The following NALF1 variants were observed in gnomAD, a reference collection of about 807,000 sequenced individuals.
NALF1 encodes NALCN channel auxiliary factor 1.
In NALF1, 3 loss-of-function variants were observed where a neutral mutation model predicts 48.4. That is an observed-to-expected ratio of 0.06 (90% CI 0.03 to 0.16). NALF1 has a LOEUF of 0.16. NALF1 is among the 10% of genes least tolerant of loss of function. The probability of loss-of-function intolerance (pLI) is 1.00; values close to 1 mark genes in which losing one functional copy is unlikely to be tolerated. For missense variants in NALF1, 526 were observed against 571.5 expected (o/e 0.92, Z 0.81); for synonymous variants, 262 against 245.7 (o/e 1.07, Z -0.62).
chr13:107,828,606 T>TACACACACAC lies in NALF1; in HGVS notation c.915+37066_915+37075dup, dbSNP rs60869824. Among the ~76,000 whole-genome samples the TACACACACAC allele has an allele frequency of 9.2e-3, 952 of 103,960 alleles. 12 individuals are homozygous for TACACACACAC. The highest frequency in any genetic ancestry group is 0.019 in the South Asian group (66 of 3,562). The allele number at this position is 103,960 out of a possible 152,430, so 68.2% of individuals were successfully genotyped here. A position where few individuals can be genotyped will look rare whatever the true frequency, so the allele number is the denominator to read the frequency against. On this transcript the variant is annotated intron_variant, in intron 1 of 2. Transcript: ENST00000375915. ...ATCTATCTATCTATATCTATATCTA[T>TACACACACAC]ACACACACACACACACACACACACA...
intron 1 of NALF1, 149 bp downstream of exon 1, chr13:107,865,533 C>G: frequency 9.0e-7 from 1 of 1,110,480 alleles, no homozygotes. Context: ...ATTCTCATCT[C>G]AAACAGCAAG....
intron 1 of NALF1, among the ~76,000 whole-genome samples, chr13:107,468,277 A>C (rs1885041376): frequency 6.6e-6 from 1 of 152,198 alleles, no homozygotes; most frequent in African/African-American, 2.4e-5. Flanking sequence ...TACCTAAGGC[A>C]AAATGGAGGC....
chr13:107,620,351 G>A (rs562817325), intron 1 of NALF1, among the ~76,000 whole-genome samples: 1 of 152,328 alleles, frequency 6.6e-6, no homozygotes, highest in Non-Finnish European at 1.5e-5. Context: ...AATCTATGCA[G>A]AGAATAACGT....
chr13:107,338,482 G>T (rs549620959), intron 1 of NALF1, among the ~76,000 whole-genome samples: 1 of 152,282 alleles, frequency 6.6e-6, no homozygotes, highest in African/African-American at 2.4e-5. Context: ...ATTAAAACAT[G>T]TCCTCTAGAG....
intron 1 of NALF1, among the ~76,000 whole-genome samples, chr13:107,704,990 T>C (rs765201976): frequency 1.3e-5 from 2 of 152,238 alleles, no homozygotes; most frequent in Non-Finnish European, 2.9e-5. Context: ...TGGAAATATG[T>C]TCTTCCAAAT....
chr13:107,626,890 A>T (rs1265807846), intron 1 of NALF1, among the ~76,000 whole-genome samples: 1 of 152,102 alleles, frequency 6.6e-6, no homozygotes, highest in East Asian at 1.9e-4. Context: ...CTACCACAAT[A>T]AAAACAAACA....
chr13:107,717,426 G>A (rs1219380817), intron 1 of NALF1, among the ~76,000 whole-genome samples: 1 of 152,150 alleles, frequency 6.6e-6, no homozygotes, highest in African/African-American at 2.4e-5. Context: ...GGTTTAACCT[G>A]TCCTCCAGAT....
intron 1 of NALF1, among the ~76,000 whole-genome samples, chr13:107,636,887 A>ATATAT (rs67586898): frequency 2.2e-3 from 320 of 147,898 alleles, no homozygotes; most frequent in African/African-American, 5.7e-3. Context: ...TCTATATTAT[A>ATATAT]TATATTATAT....
intron 1 of NALF1, among the ~76,000 whole-genome samples, chr13:107,729,858 C>G (rs146247567): frequency 5.7e-4 from 87 of 152,254 alleles, no homozygotes; most frequent in African/African-American, 2.0e-3. Context: ...TGGCCACATA[C>G]AGTTAGTTAT....
Position 107,533,622 on chromosome 13 carries a change from A to G in NALF1, c.916-322867T>C, listed in dbSNP as rs562653386. Among the ~76,000 whole-genome samples the G allele has an allele frequency of 1.1e-4, 16 of 152,296 alleles. No homozygotes were observed. The East Asian group carries it at 1.7e-3, about 17-fold the overall frequency. ...CACAAACAAATGAAGATATTCTTTAATAACTGTTCAAATTAGAGATTCTGT... is the reference window on the plus strand; with the variant it reads ...CACAAACAAATGAAGATATTCTTTAGTAACTGTTCAAATTAGAGATTCTGT... On this transcript the variant is annotated intron_variant, in intron 1 of 2. Coordinates refer to ENST00000375915, the MANE Select transcript of NALF1 (RefSeq NM_001080396.3).
At chr13:107,835,126 T>C (rs936836688) in intron 1 of NALF1, among the ~76,000 whole-genome samples, 2 of 152,242 alleles carry the variant, frequency 1.3e-5, no homozygotes, top group African/African-American at 4.8e-5. Context: ...TTTCTTTTGA[T>C]GTAGCACGAT....
Position 107,169,579 on chromosome 13 carries a change from A to C in NALF1, c.*918T>G, listed in dbSNP as rs1373976739. ...GCTGCTCCTGTCCAACTGGACCAGC[A>C]AGAAAGGGCTGGGCCACTTGGGGAT... On this transcript the variant is annotated 3_prime_UTR_variant, in exon 3 of 3. Coordinates refer to ENST00000375915, the MANE Select transcript of NALF1 (RefSeq NM_001080396.3). 2.6e-5 allele frequency: 4 copies of C among 152,254 alleles called. No individual in the cohort carries two copies. The highest frequency in any genetic ancestry group is 2.0e-4 in the Admixed American group (3 of 15,284). The allele number at this position is 152,254 out of a possible 1,614,324, so 9.4% of individuals were successfully genotyped here. A position where few individuals can be genotyped will look rare whatever the true frequency, so the allele number is the denominator to read the frequency against.
intron 1 of NALF1, among the ~76,000 whole-genome samples, chr13:107,348,323 A>G (rs1043668212): frequency 6.6e-6 from 1 of 152,228 alleles, no homozygotes; most frequent in African/African-American, 2.4e-5. Context: ...CATTTGCATT[A>G]AAAGTGTTAC....
At position 107,336,694 on chromosome 13, in the gene NALF1, C is replaced by T. The variant is rs144412218; in HGVS notation, c.916-125939G>A. Among the ~76,000 whole-genome samples, 4 of 152,164 alleles carry T rather than the reference C, an allele frequency of 2.6e-5. No individual in the cohort carries two copies. The East Asian group carries it at 7.7e-4, about 29-fold the overall frequency. On this transcript the variant is annotated intron_variant, in intron 1 of 2. Transcript: ENST00000375915. Reference sequence around the variant, plus strand: ...ATGTAACATAAAATTGTAAGTAAAGCCCATTTTCAGTAGTAGTTTCTTTTT... The same window carrying T: ...ATGTAACATAAAATTGTAAGTAAAGTCCATTTTCAGTAGTAGTTTCTTTTT...
intron 1 of NALF1, among the ~76,000 whole-genome samples, chr13:107,800,343 ATTG>A (rs1189093468): frequency 6.6e-6 from 1 of 152,014 alleles, no homozygotes; most frequent in Non-Finnish European, 1.5e-5. Context: ...TCGTATTTTT[ATTG>A]TTATTATTAT....
chr13:107,366,783 T>C lies in NALF1; in HGVS notation c.916-156028A>G, dbSNP rs77959097. Reference sequence around the variant, plus strand: ...TCAGGGACCTCCACTTTCTCTCTTATTGTTGATCTGTTGCCCTCAATATAC... The same window carrying C: ...TCAGGGACCTCCACTTTCTCTCTTACTGTTGATCTGTTGCCCTCAATATAC... On this transcript the variant is annotated intron_variant, in intron 1 of 2. Coordinates refer to ENST00000375915, the MANE Select transcript of NALF1 (RefSeq NM_001080396.3). 4.6e-3 allele frequency among the ~76,000 whole-genome samples: 694 copies of C among 152,348 alleles called. 3 individuals are homozygous for C. The highest frequency in any genetic ancestry group is 0.016 in the African/African-American group (676 of 41,596).
chr13:107,696,824 T>G (rs2138508515), intron 1 of NALF1, among the ~76,000 whole-genome samples: 1 of 152,264 alleles, frequency 6.6e-6, no homozygotes, highest in African/African-American at 2.4e-5. Context: ...TTGGCCTGGG[T>G]TTTGTATTTT....
chr13:107,543,602 A>G (rs919247699), intron 1 of NALF1, among the ~76,000 whole-genome samples: 1 of 152,106 alleles, frequency 6.6e-6, no homozygotes, highest in Non-Finnish European at 1.5e-5. Flanking sequence ...ATCCTTTCAT[A>G]AACTCATCAC....
intron 1 of NALF1, among the ~76,000 whole-genome samples, chr13:107,616,299 C>T (rs532411848): frequency 3.9e-5 from 6 of 152,302 alleles, no homozygotes; most frequent in East Asian, 3.9e-4. Flanking sequence ...TCTGTCAACA[C>T]GCTTTCCTAA....
Sources: gnomAD v4.1 joint callset for allele counts (sites outside exome capture counted in the v4.1 genomes callset) on GRCh38, gnomAD v4.1.1 for gene constraint, MANE v1.5 for transcripts, NCBI Gene and HGNC (gene_info 2026-07-23, HGNC 2026-07-21) for gene names.